The following MED13L variants were observed in gnomAD, a reference collection of about 807,000 sequenced individuals.
The protein encoded by MED13L is mediator of RNA polymerase II transcription subunit 13-like.
Under a neutral mutation model 220.9 loss-of-function variants are expected in MED13L, and 7 were observed. The observed-to-expected ratio is 0.03, with a 90% CI of 0.02 to 0.06. MED13L has a LOEUF of 0.06. Ranked by LOEUF, MED13L falls within the 10% of genes least tolerant of loss-of-function variation. The probability of loss-of-function intolerance (pLI) is 1.00; values close to 1 mark genes in which losing one functional copy is unlikely to be tolerated. For missense variants in MED13L, 1,965 were observed against 2,760.5 expected (o/e 0.71, Z 6.46); for synonymous variants, 1,011 against 1,015.2 (o/e 1.00, Z 0.08).
chr12:116,132,717 C>T (rs909050928), intron 2 of MED13L, among the ~76,000 whole-genome samples: 7 of 151,972 alleles, frequency 4.6e-5, no homozygotes, highest in Admixed American at 1.3e-4. Flanking sequence ...GTCAGGAGTT[C>T]GAGACCAGAC....
At chr12:115,961,872 G>A (rs1351629448) in intron 30 of MED13L, among the ~76,000 whole-genome samples, 1 of 152,102 alleles carries the variant, frequency 6.6e-6, no homozygotes, top group Non-Finnish European at 1.5e-5. Flanking sequence ...TTGGGAGGCT[G>A]AGGCAGGAGA....
intron 2 of MED13L, among the ~76,000 whole-genome samples, chr12:116,132,836 C>T (rs1257234096): frequency 6.6e-6 from 1 of 151,910 alleles, no homozygotes; most frequent in Non-Finnish European, 1.5e-5. Context: ...AGGAGAATCA[C>T]TTGAAACAGG....
chr12:116,073,485 T>C (rs1234586763), intron 4 of MED13L, among the ~76,000 whole-genome samples: 2 of 152,118 alleles, frequency 1.3e-5, no homozygotes. Flanking sequence ...CATCAAACAC[T>C]GAAAGAAGAA....
intron 3 of MED13L, among the ~76,000 whole-genome samples, chr12:116,101,779 G>T (rs922504557): frequency 9.2e-5 from 14 of 152,066 alleles, no homozygotes; most frequent in Non-Finnish European, 1.9e-4. Flanking sequence ...AGCTTTGAGG[G>T]TCAAAATTTA....
intron 29 of MED13L, 73 bp from the exon 30 acceptor site, chr12:115,963,592 T>C (rs1875923503): frequency 2.6e-6 from 3 of 1,151,572 alleles, no homozygotes; most frequent in East Asian, 4.9e-5. Context: ...AGGCCATGTC[T>C]GCCAGAAGCA....
At chr12:116,171,372 C>T (rs945164312) in intron 2 of MED13L, among the ~76,000 whole-genome samples, 3 of 152,212 alleles carry the variant, frequency 2.0e-5, no homozygotes, top group African/African-American at 7.2e-5. Context: ...AGCTCAAAAT[C>T]TTTATATGGA....
rs1321065263 is a variant in MED13L, at chr12:115,959,536, G to C, written c.*1730C>G. On this transcript the variant is annotated 3_prime_UTR_variant, in exon 31 of 31. Coordinates refer to ENST00000281928, the MANE Select transcript of MED13L (RefSeq NM_015335.5). ...CTTCATCTTCTTATGCTCTTCAAAA[G>C]GCCTTGAGAATTTTCCTTTCTGATT... 6.6e-6 allele frequency: 1 copy of C among 152,396 alleles called. No homozygotes were observed. Among genetic ancestry groups the C allele is most frequent in the African/African-American group, 2.4e-5 (1 of 41,382 alleles). The allele number at this position is 152,396 out of a possible 1,614,324, so 9.4% of individuals were successfully genotyped here. A position where few individuals can be genotyped will look rare whatever the true frequency, so the allele number is the denominator to read the frequency against.
chr12:116,185,145 G>A (rs1306038914), intron 2 of MED13L, among the ~76,000 whole-genome samples: 4 of 151,882 alleles, frequency 2.6e-5, no homozygotes, highest in African/African-American at 7.3e-5. Flanking sequence ...ATAAAAATTC[G>A]TAACTAGTAA....
At chr12:116,021,016 C>T (rs1440436855) in intron 5 of MED13L, among the ~76,000 whole-genome samples, 2 of 152,054 alleles carry the variant, frequency 1.3e-5, no homozygotes, top group African/African-American at 2.4e-5. Context: ...CTCCAACTAA[C>T]ACAGTTAATC....
At chr12:116,223,671 T>G (rs536026225) in intron 2 of MED13L, among the ~76,000 whole-genome samples, 1 of 151,788 alleles carries the variant, frequency 6.6e-6, no homozygotes, top group South Asian at 2.1e-4. Flanking sequence ...ACCATTGCAC[T>G]CCAGCCTGGG....
At chr12:116,113,274 T>C (rs1874232466) in intron 2 of MED13L, among the ~76,000 whole-genome samples, 2 of 152,150 alleles carry the variant, frequency 1.3e-5, no homozygotes, top group Admixed American at 6.5e-5. Flanking sequence ...TTTCCATAAT[T>C]TTCTTCCACT....
At chr12:116,156,757 T>C (rs1878473770) in intron 2 of MED13L, among the ~76,000 whole-genome samples, 1 of 152,206 alleles carries the variant, frequency 6.6e-6, no homozygotes, top group Non-Finnish European at 1.5e-5. Flanking sequence ...GGACTTCTTA[T>C]CAGCCCTCCC....
chr12:115,987,143 C>T lies in MED13L; in HGVS notation c.4080G>A (p.Gln1360=). 1 of 1,614,160 alleles carries T rather than the reference C, an allele frequency of 6.2e-7. No homozygotes were observed. The highest frequency in any genetic ancestry group is 1.1e-5 in the South Asian group (1 of 91,086). ...IQHVQGPLTW[Q]QFHKMAGRGT... Reference sequence around the variant, plus strand: ...CCCGTCCTGCCATTTTATGGAACTGCTGCCAAGTGAGTGGTCCCTGCACAT... The same window carrying T: ...CCCGTCCTGCCATTTTATGGAACTGTTGCCAAGTGAGTGGTCCCTGCACAT... Residue 1360 remains glutamine, a synonymous_variant, in exon 18 of 31, where the codon CAG becomes CAA. Coordinates refer to ENST00000281928, the MANE Select transcript of MED13L (RefSeq NM_015335.5).
At chr12:116,172,996 A>C (rs758705742) in intron 2 of MED13L, among the ~76,000 whole-genome samples, 3 of 151,658 alleles carry the variant, frequency 2.0e-5, no homozygotes, top group Non-Finnish European at 2.9e-5. Context: ...CTCCCAGTCC[A>C]GGAGCTAAGA....
chr12:116,082,641 G>A (rs1871311810), intron 4 of MED13L: 3 of 151,664 alleles, frequency 2.0e-5, no homozygotes, highest in Non-Finnish European at 2.9e-5. Context: ...CCTGCACAAC[G>A]ATGACATGCA....
intron 1 of MED13L, among the ~76,000 whole-genome samples, chr12:116,270,769 G>C (rs762935846): frequency 6.6e-6 from 1 of 151,884 alleles, no homozygotes; most frequent in Non-Finnish European, 1.5e-5. Context: ...TCAGCCGGGC[G>C]CGGTGGCTCG....
At chr12:116,192,949 G>T (rs952630869) in intron 2 of MED13L, among the ~76,000 whole-genome samples, 1 of 152,134 alleles carries the variant, frequency 6.6e-6, no homozygotes, top group Non-Finnish European at 1.5e-5. Context: ...TGGCTAACAC[G>T]GTGAAACCGC....
chr12:116,150,350 A>T (rs989532546), intron 2 of MED13L, among the ~76,000 whole-genome samples: 6 of 152,246 alleles, frequency 3.9e-5, no homozygotes, highest in African/African-American at 1.4e-4. Context: ...AAATTTTATT[A>T]CAACAAAGTC....
intron 2 of MED13L, among the ~76,000 whole-genome samples, chr12:116,133,189 G>GA (rs1876230613): frequency 6.6e-6 from 1 of 152,174 alleles, no homozygotes; most frequent in African/African-American, 2.4e-5. Context: ...AAAAAAATGA[G>GA]AACCAATCTC....
Sources: allele counts gnomAD v4.1 joint callset (sites outside exome capture counted in the v4.1 genomes callset), GRCh38; gene constraint gnomAD v4.1.1; transcripts MANE v1.5; gene names NCBI Gene and HGNC (gene_info 2026-07-23, HGNC 2026-07-21).